The following ZNF267 variants were observed in gnomAD, a reference collection of about 807,000 sequenced individuals.
ZNF267 encodes the protein zinc finger (C2H2).
ZNF267 carries 61 observed loss-of-function variants against 71.6 expected under a neutral mutation model. The ratio of observed to expected loss-of-function variants is 0.85; its 90% CI spans 0.69 to 1.05. ZNF267 has a LOEUF of 1.05. Among genes scored for constraint, ZNF267 ranks in the 50% least tolerant of loss-of-function variants. The pLI is 0.00. For synonymous variants in ZNF267, 288 were observed against 293.2 expected, an observed-to-expected ratio of 0.98 and a Z score of 0.18; for missense variants, 852 against 870.0, an observed-to-expected ratio of 0.98 and a Z score of 0.26.
At chr16:31,898,741 AC>A (rs1461902292) in intron 3 of ZNF267, among the ~76,000 whole-genome samples, 1 of 152,142 alleles carries the variant, frequency 6.6e-6, no homozygotes, top group African/African-American at 2.4e-5. Flanking sequence ...TATTGAGGTC[AC>A]AAATTATATG....
At chr16:31,890,540 T>C (rs1412250880) in intron 3 of ZNF267, among the ~76,000 whole-genome samples, 4 of 152,232 alleles carry the variant, frequency 2.6e-5, no homozygotes, top group Admixed American at 2.6e-4. Flanking sequence ...TTTAAAAAAA[T>C]TCATTTAGCC....
chr16:31,894,725 C>T (rs1056841150), intron 3 of ZNF267: 6 of 480,282 alleles, frequency 1.2e-5, no homozygotes, highest in Middle Eastern at 3.5e-4. Context: ...TCCAAATGCT[C>T]TAATAGTAGC....
At chr16:31,875,222 A>G in intron 1 of ZNF267, 2 of 1,289,156 alleles carry the variant, frequency 1.6e-6, no homozygotes, top group South Asian at 2.5e-5. Flanking sequence ...GGATGACTCA[A>G]GATGCCCACA....
At chr16:31,884,397 C>G in intron 1 of ZNF267, 101 bp from the exon 2 acceptor site, 10 of 1,422,752 alleles carry the variant, frequency 7.0e-6, no homozygotes, top group Non-Finnish European at 9.7e-6. Context: ...TAATTCAGGT[C>G]ACTCATATAT....
At chr16:31,892,784 G>T (rs1567474968) in intron 3 of ZNF267, among the ~76,000 whole-genome samples, 1 of 152,248 alleles carries the variant, frequency 6.6e-6, no homozygotes, top group Non-Finnish European at 1.5e-5. Flanking sequence ...GATGCAAGAG[G>T]TGGGCTCTTA....
chr16:31,907,009 C>G (rs768870745), intron 3 of ZNF267, among the ~76,000 whole-genome samples: 6 of 152,010 alleles, frequency 3.9e-5, no homozygotes, highest in Non-Finnish European at 5.9e-5. Context: ...ATTTTTTCAT[C>G]ACTTTCAATA....
Position 31,873,834 on chromosome 16 carries a change from G to A in ZNF267, c.-133G>A. On this transcript the variant is annotated 5_prime_UTR_variant, in exon 1 of 4. Transcript: ENST00000300870. ...TTAGAGCTCGGGTCTCCTCGCCACA[G>A]CTCCGAGTCTTTCGTTCTGGGAGGC... 2 of 1,296,140 alleles carry A rather than the reference G, an allele frequency of 1.5e-6. No individual in the cohort carries two copies. The highest frequency in any genetic ancestry group is 2.2e-6 in the Non-Finnish European group (2 of 901,974). The allele number at this position is 1,296,140 out of a possible 1,614,324, so 80.3% of individuals were successfully genotyped here. A position where few individuals can be genotyped will look rare whatever the true frequency, so the allele number is the denominator to read the frequency against.
intron 1 of ZNF267, among the ~76,000 whole-genome samples, chr16:31,878,357 C>G (rs2083866518): frequency 6.6e-6 from 1 of 152,114 alleles, no homozygotes; most frequent in Admixed American, 6.5e-5. Flanking sequence ...CCCTCCCCGA[C>G]CCAGCTGCCA....
At chr16:31,891,385 G>A (rs1419042799) in intron 3 of ZNF267, among the ~76,000 whole-genome samples, 1 of 152,102 alleles carries the variant, frequency 6.6e-6, no homozygotes, top group Non-Finnish European at 1.5e-5. Flanking sequence ...TATGGTATTA[G>A]TGTATTCTGA....
At chr16:31,911,321 T>C (rs1247537682) in intron 3 of ZNF267, among the ~76,000 whole-genome samples, 1 of 151,716 alleles carries the variant, frequency 6.6e-6, no homozygotes, top group African/African-American at 2.4e-5. Flanking sequence ...TCTCTTTAGC[T>C]CTAATACTCT....
intron 3 of ZNF267, among the ~76,000 whole-genome samples, chr16:31,887,980 G>C (rs2083935274): frequency 6.6e-6 from 1 of 151,896 alleles, no homozygotes; most frequent in Admixed American, 6.6e-5. Context: ...GGACATTTTA[G>C]CAATATTTTT....
intron 3 of ZNF267, among the ~76,000 whole-genome samples, chr16:31,902,570 C>T (rs2084050693): frequency 6.6e-6 from 1 of 151,816 alleles, no homozygotes; most frequent in African/African-American, 2.4e-5. Context: ...AATGGGAGTT[C>T]ACTCATGATT....
intron 1 of ZNF267, among the ~76,000 whole-genome samples, chr16:31,882,596 A>G (rs1262656509): frequency 6.6e-6 from 1 of 152,214 alleles, no homozygotes; most frequent in African/African-American, 2.4e-5. Flanking sequence ...ATGCTTAGCT[A>G]AGTGATTCTC....
At chr16:31,894,643 C>G (rs2083984254) in intron 3 of ZNF267, 2 of 485,352 alleles carry the variant, frequency 4.1e-6, no homozygotes, top group Admixed American at 4.7e-5. Flanking sequence ...GCTGGACATG[C>G]CTGCTGGAGA....
rs1424425008 is a variant in ZNF267, at chr16:31,915,105, C to G, written c.856C>G (p.Gln286Glu). The G allele has an allele frequency of 9.9e-6, 16 of 1,613,588 alleles. No individual in the cohort carries two copies. Among genetic ancestry groups the G allele is most frequent in the Non-Finnish European group, 1.2e-5 (14 of 1,179,856 alleles). Residue 286 changes from glutamine (Q) to glutamate (E), a missense_variant, in exon 4 of 4, where the codon CAG (glutamine) becomes GAG (glutamate). Coordinates refer to ENST00000300870, the MANE Select transcript of ZNF267 (RefSeq NM_003414.6). ...CCAGTCATTAAAACATATTCAACATCAGACCATCCATATCAGAGAAAACTC... is the reference window on the plus strand; with the variant it reads ...CCAGTCATTAAAACATATTCAACATGAGACCATCCATATCAGAGAAAACTC... ...CTQSLKHIQH[Q>E]TIHIRENSYS... is the part of the protein sequence containing the mutation.
At chr16:31,901,762 G>A (rs1368090566) in intron 3 of ZNF267, among the ~76,000 whole-genome samples, 3 of 152,132 alleles carry the variant, frequency 2.0e-5, no homozygotes, top group African/African-American at 7.2e-5. Context: ...CACTCTGATG[G>A]TGGTTTCCTT....
intron 3 of ZNF267, among the ~76,000 whole-genome samples, chr16:31,892,481 A>C (rs993752172): frequency 6.6e-6 from 1 of 152,182 alleles, no homozygotes; most frequent in African/African-American, 2.4e-5. Flanking sequence ...CCTTCCCAAT[A>C]GTCCCCCAAA....
intron 3 of ZNF267, chr16:31,912,261 G>A (rs886860420): frequency 1.3e-5 from 2 of 151,606 alleles, no homozygotes; most frequent in African/African-American, 2.4e-5. Context: ...CTCAGTGTTT[G>A]TCTGGGAAGG....
At chr16:31,894,970 C>A (rs756092711) in intron 3 of ZNF267, 2 of 333,018 alleles carry the variant, frequency 6.0e-6, no homozygotes, top group Non-Finnish European at 1.2e-5. Flanking sequence ...TTTCTTCTAG[C>A]ATGCAGACCA....
Sources: allele counts gnomAD v4.1 joint callset (sites outside exome capture counted in the v4.1 genomes callset), GRCh38; gene constraint gnomAD v4.1.1; transcripts MANE v1.5; gene names NCBI Gene and HGNC (gene_info 2026-07-23, HGNC 2026-07-21).